Variants in CEP112 observed in about 807,000 individuals in gnomAD.
The protein encoded by CEP112 is centrosomal protein of 112 kDa.
In CEP112, 127 loss-of-function variants were observed where a neutral mutation model predicts 153.0. The observed-to-expected ratio is 0.83, with a 90% CI of 0.72 to 0.96. The LOEUF (loss-of-function observed/expected upper bound fraction) is 0.96. Among genes scored for constraint, CEP112 ranks in the 40% least tolerant of loss-of-function variants. The pLI is 0.00. For missense variants in CEP112, 1,089 were observed against 1,101.2 expected (o/e 0.99, Z 0.16); for synonymous variants, 358 against 374.4 (o/e 0.96, Z 0.51).
intron 6 of CEP112, among the ~76,000 whole-genome samples, chr17:66,128,117 C>T (rs2069939375): frequency 6.6e-6 from 1 of 151,906 alleles, no homozygotes; most frequent in Admixed American, 6.6e-5. Context: ...GCCTGACCAA[C>T]ATGGTGAAAC....
chr17:66,118,647 C>A (rs1281220904), intron 6 of CEP112, among the ~76,000 whole-genome samples: 1 of 151,954 alleles, frequency 6.6e-6, no homozygotes, highest in African/African-American at 2.4e-5. Flanking sequence ...ATCTAGTGTT[C>A]AGTAGCATGG....
At chr17:65,818,052 C>T (rs534765024) in intron 21 of CEP112, among the ~76,000 whole-genome samples, 11 of 151,896 alleles carry the variant, frequency 7.2e-5, no homozygotes, top group Admixed American at 1.3e-4. Flanking sequence ...ACACTTAACA[C>T]GCTGCCCAGT....
intron 8 of CEP112, among the ~76,000 whole-genome samples, chr17:66,086,253 C>G (rs1331697523): frequency 6.6e-6 from 1 of 151,804 alleles, no homozygotes; most frequent in Non-Finnish European, 1.5e-5. Context: ...AGAACATGCA[C>G]AAGAGTTGTT....
chr17:65,640,154 A>ATATATATATATATATATAT (rs1300751452), intron 25 of CEP112, among the ~76,000 whole-genome samples: 1 of 78,348 alleles, frequency 1.3e-5, no homozygotes, highest in African/African-American at 7.0e-5. Flanking sequence ...ATATATATAT[A>ATATATATATATATATATAT]TTTTTTTTTT....
chr17:65,926,708 T>G lies in CEP112; in HGVS notation c.1980+874A>C, dbSNP rs149842293. ...AGCCTGGGTGAGAGAGTGAGACTCC[T>G]TCTCAAATAATAATAATAATAATAA... On this transcript the variant is annotated intron_variant, in intron 19 of 26. Coordinates refer to ENST00000535342, the MANE Select transcript of CEP112 (RefSeq NM_001199165.4). Among the ~76,000 whole-genome samples, 78 of 142,342 alleles carry G rather than the reference T, an allele frequency of 5.5e-4. 1 individual carries two copies. The East Asian group carries it at 0.015, about 27-fold the overall frequency. The allele number at this position is 142,342 out of a possible 152,430, so 93.4% of individuals were successfully genotyped here.
intron 19 of CEP112, among the ~76,000 whole-genome samples, chr17:65,915,055 A>C (rs2060425524): frequency 6.6e-6 from 1 of 152,170 alleles, no homozygotes; most frequent in African/African-American, 2.4e-5. Flanking sequence ...GGCTTATGGG[A>C]AATCCCACCT....
rs115613489 is a variant in CEP112 at position 66,076,014 on chromosome 17, T to G, written c.769-6013A>C. On this transcript the variant is annotated intron_variant, in intron 8 of 26. Coordinates refer to ENST00000535342, the MANE Select transcript of CEP112 (RefSeq NM_001199165.4). ...AGCTGGGTCAATTTAGAGGGCTGAG[T>G]GAAATACAGGGGTAGAGGAAGTAGT... Among the ~76,000 whole-genome samples the G allele has an allele frequency of 4.3e-3, 650 of 151,620 alleles. 6 individuals are homozygous for G. The highest frequency in any genetic ancestry group is 0.015 in the African/African-American group (624 of 41,312).
chr17:65,965,517 C>CTTTTTTTTTTTTTTTTTTT, intron 17 of CEP112, among the ~76,000 whole-genome samples: 1 of 102,822 alleles, frequency 9.7e-6, no homozygotes, highest in Non-Finnish European at 2.0e-5. Context: ...CCTTCTGCCC[C>CTTTTTTTTTTTTTTTTTTT]CTTTTTTTTT....
At chr17:65,864,137 C>CAA (rs71160507) in intron 20 of CEP112, among the ~76,000 whole-genome samples, 39,600 of 136,786 alleles carry the variant, frequency 0.29, 6,874 homozygotes, top group Middle Eastern at 0.41. Flanking sequence ...TGAGACTCCT[C>CAA]AAAAAAAAAA....
chr17:65,714,500 G>A (rs755038477), intron 23 of CEP112, among the ~76,000 whole-genome samples: 6 of 151,718 alleles, frequency 4.0e-5, no homozygotes, highest in Non-Finnish European at 8.8e-5. Context: ...GTTTACTCTT[G>A]TCACCTTACT....
intron 8 of CEP112, among the ~76,000 whole-genome samples, chr17:66,073,712 C>G (rs571954152): frequency 6.6e-6 from 1 of 152,230 alleles, no homozygotes; most frequent in South Asian, 2.1e-4. Flanking sequence ...AAGACAGGTC[C>G]CATGGTGTTG....
intron 24 of CEP112, among the ~76,000 whole-genome samples, chr17:65,679,655 A>G (rs767343350): frequency 2.6e-5 from 4 of 152,162 alleles, no homozygotes; most frequent in African/African-American, 4.8e-5. Flanking sequence ...TTCTGTCTCT[A>G]TAGCATCTTC....
At chr17:65,970,198 GCATGCATGTCATGCATGCATATAC>G (rs1227719362) in intron 17 of CEP112, among the ~76,000 whole-genome samples, 1 of 121,114 alleles carries the variant, frequency 8.3e-6, no homozygotes, top group Non-Finnish European at 1.8e-5. Flanking sequence ...CATATATGCT[GCATGCATGTCATGCATGCATATAC>G]CATGCATATA....
chr17:65,770,941 A>AAAG (rs1353773190), intron 21 of CEP112, among the ~76,000 whole-genome samples: 29 of 151,364 alleles, frequency 1.9e-4, no homozygotes, highest in Non-Finnish European at 3.0e-4. Context: ...AAAAAAAAAA[A>AAAG]AAAGAAATAA....
At chr17:66,166,940 A>ATAT (rs1298957537) in intron 4 of CEP112, among the ~76,000 whole-genome samples, 18 of 150,992 alleles carry the variant, frequency 1.2e-4, no homozygotes, top group Non-Finnish European at 1.9e-4. Context: ...TTACTTAGGC[A>ATAT]GCTTCAAATA....
At chr17:65,909,204 A>G (rs1268415131) in intron 19 of CEP112, among the ~76,000 whole-genome samples, 2 of 152,246 alleles carry the variant, frequency 1.3e-5, no homozygotes, top group Non-Finnish European at 2.9e-5. Flanking sequence ...GAAAAGGGGA[A>G]ATGATGGTAT....
intron 17 of CEP112, among the ~76,000 whole-genome samples, chr17:65,970,690 T>A (rs970969958): frequency 6.6e-6 from 1 of 151,898 alleles, no homozygotes; most frequent in African/African-American, 2.4e-5. Flanking sequence ...ATCACACACA[T>A]GCATATTACA....
chr17:65,729,691 T>C (rs1215372463), intron 23 of CEP112, among the ~76,000 whole-genome samples: 3 of 152,196 alleles, frequency 2.0e-5, no homozygotes, highest in African/African-American at 4.8e-5. Context: ...TTTTGGACCA[T>C]GCAATAATAC....
At chr17:65,878,685 G>A (rs1412779916) in intron 20 of CEP112, among the ~76,000 whole-genome samples, 1 of 152,054 alleles carries the variant, frequency 6.6e-6, no homozygotes, top group East Asian at 1.9e-4. Context: ...ATTCTCAAGA[G>A]GCTCTGGGCT....
Sources: gnomAD v4.1 joint callset for allele counts (sites outside exome capture counted in the v4.1 genomes callset) on GRCh38, gnomAD v4.1.1 for gene constraint, MANE v1.5 for transcripts, NCBI Gene and HGNC (gene_info 2026-07-23, HGNC 2026-07-21) for gene names.